AIM2: variants seen among roughly 807,000 people sequenced by gnomAD.
AIM2 encodes the protein interferon-inducible protein AIM2.
A neutral mutation model predicts 27.7 loss-of-function variants in AIM2; 30 were observed. That is an observed-to-expected ratio of 1.08 (90% CI 0.81 to 1.47). The LOEUF is 1.47. AIM2 is among the 40% of genes most tolerant of loss of function. AIM2 has a pLI of 0.00. For synonymous variants in AIM2, 141 were observed against 145.3 expected (o/e 0.97, Z 0.21); for missense variants, 358 against 411.3 (o/e 0.87, Z 1.12).
At chr1:159,083,706 A>G (rs998924674) in intron 1 of AIM2, among the ~76,000 whole-genome samples, 2 of 152,226 alleles carry the variant, frequency 1.3e-5, no homozygotes, top group African/African-American at 4.8e-5. Context: ...TACACCATTA[A>G]TCCAAATATG....
intron 1 of AIM2, among the ~76,000 whole-genome samples, chr1:159,075,175 C>T (rs1468757803): frequency 1.3e-5 from 2 of 152,054 alleles, no homozygotes; most frequent in African/African-American, 2.4e-5. Flanking sequence ...ATCAAAGTGG[C>T]ATTAAAAATC....
At chr1:159,116,740 G>A (rs868299192) in intron 1 of AIM2, among the ~76,000 whole-genome samples, 2 of 151,758 alleles carry the variant, frequency 1.3e-5, no homozygotes, top group Non-Finnish European at 2.9e-5. Flanking sequence ...GTTAAATGAC[G>A]AGTTACTGGG....
chr1:159,121,695 T>G (rs1316788214), intron 1 of AIM2, among the ~76,000 whole-genome samples: 1 of 152,172 alleles, frequency 6.6e-6, no homozygotes, highest in Non-Finnish European at 1.5e-5. Flanking sequence ...CTGACAAAGC[T>G]GACATTTCAA....
At chr1:159,103,803 G>A (rs1188542142) in intron 1 of AIM2, among the ~76,000 whole-genome samples, 1 of 152,080 alleles carries the variant, frequency 6.6e-6, no homozygotes, top group Non-Finnish European at 1.5e-5. Context: ...TGAAATTCTA[G>A]GGGGAGTTTT....
intron 1 of AIM2, among the ~76,000 whole-genome samples, chr1:159,117,351 G>T (rs1305753941): frequency 6.6e-6 from 1 of 152,178 alleles, no homozygotes; most frequent in Admixed American, 6.5e-5. Flanking sequence ...TGGAGAAAAG[G>T]TATAGTTAAC....
chr1:159,065,794 T>A, intron 4 of AIM2, 116 bp downstream of exon 4: 3 of 1,145,586 alleles, frequency 2.6e-6, no homozygotes, highest in Non-Finnish European at 2.4e-6. Context: ...GAACTTTGTA[T>A]TTTTTTATTT....
chr1:159,087,115 T>C (rs1465484897), intron 1 of AIM2, among the ~76,000 whole-genome samples: 1 of 152,214 alleles, frequency 6.6e-6, no homozygotes, highest in African/African-American at 2.4e-5. Context: ...TTGATTGTCT[T>C]AGGACTCTAA....
chr1:159,073,217 G>A, intron 2 of AIM2, 21 bp downstream of exon 2: 1 of 1,613,192 alleles, frequency 6.2e-7, no homozygotes, highest in Non-Finnish European at 8.5e-7. Context: ...GGACGGGGCA[G>A]GTGTGGAACT....
At chr1:159,125,436 T>C (rs917523960) in intron 1 of AIM2, among the ~76,000 whole-genome samples, 3 of 152,236 alleles carry the variant, frequency 2.0e-5, no homozygotes, top group Non-Finnish European at 2.9e-5. Flanking sequence ...TAAACATTTA[T>C]TGAGCCTACG....
chr1:159,083,109 G>A (rs554324674), intron 1 of AIM2, among the ~76,000 whole-genome samples: 1 of 152,226 alleles, frequency 6.6e-6, no homozygotes, highest in East Asian at 1.9e-4. Flanking sequence ...AAATAAAGAT[G>A]CATAAAGAAG....
chr1:159,058,141 G>A (rs899175021), downstream of AIM2, among the ~76,000 whole-genome samples: 3 of 152,172 alleles, frequency 2.0e-5, no homozygotes. Flanking sequence ...ATCACTTGAG[G>A]TCAGGAGTTC....
intron 1 of AIM2, among the ~76,000 whole-genome samples, chr1:159,099,669 C>T (rs909531107): frequency 2.0e-5 from 3 of 152,310 alleles, no homozygotes; most frequent in Non-Finnish European, 2.9e-5. Flanking sequence ...AATTCCCCAG[C>T]TGGAATTGAT....
chr1:159,129,394 A>T (rs896696974), intron 1 of AIM2, among the ~76,000 whole-genome samples: 5 of 152,244 alleles, frequency 3.3e-5, no homozygotes, highest in Non-Finnish European at 7.3e-5. Context: ...TGACAACTGC[A>T]TTTGTACCTG....
At chr1:159,102,255 C>G (rs376677433) in intron 1 of AIM2, among the ~76,000 whole-genome samples, 1 of 152,188 alleles carries the variant, frequency 6.6e-6, no homozygotes, top group African/African-American at 2.4e-5. Context: ...CCTGCAGGTA[C>G]GCAGAAGACA....
chr1:159,065,985 A>C lies in AIM2; in HGVS notation c.741T>G (p.Gly247=). ...GAAGCGTGTTGATCTTCGGGGTTTC[A>C]CCAGCTTTTCTGATAATGTTCAGCG... ...NVPLNIIRKA[G]ETPKINTLQT... is the part of the protein sequence containing the mutation. Residue 247 remains glycine, a synonymous_variant, in exon 4 of 6, where the codon GGT becomes GGG. Coordinates refer to ENST00000368130, the MANE Select transcript of AIM2 (RefSeq NM_004833.3). 6.2e-7 allele frequency: 1 copy of C among 1,612,532 alleles called. No individual in the cohort carries two copies.
At chr1:159,130,800 CCACACA>C (rs10557540) in intron 1 of AIM2, among the ~76,000 whole-genome samples, 4,070 of 145,056 alleles carry the variant, frequency 0.028, 83 homozygotes, top group African/African-American at 0.048. Context: ...AGCCTGGTCA[CCACACA>C]CACACACACA....
At chr1:159,136,229 C>T (rs1473436931) in intron 1 of AIM2, among the ~76,000 whole-genome samples, 1 of 152,194 alleles carries the variant, frequency 6.6e-6, no homozygotes, top group African/African-American at 2.4e-5. Flanking sequence ...GATAAAATCT[C>T]TCAAGTCCTC....
rs529179542 is a variant in AIM2 at position 159,065,849 on chromosome 1, A to G, written c.816+61T>C. The G allele has an allele frequency of 7.3e-4, 1,082 of 1,490,334 alleles. 7 individuals carry two copies. Among genetic ancestry groups the G allele is most frequent in the South Asian group, 4.1e-3 (300 of 72,484 alleles). 92.3% of individuals were successfully genotyped at this position (1,490,334 alleles called of 1,614,324 possible). The stretch of plus-strand genomic sequence containing the variant: ...TAAAACCATTTCCAAAGTTTCTTTA[A>G]GATCAGATGGGAAATACGTTATTCT... On this transcript the variant is annotated intron_variant, in intron 4 of 5. Coordinates refer to ENST00000368130, the MANE Select transcript of AIM2 (RefSeq NM_004833.3).
chr1:159,119,548 A>C (rs1352475411), intron 1 of AIM2, among the ~76,000 whole-genome samples: 1 of 151,998 alleles, frequency 6.6e-6, no homozygotes, highest in African/African-American at 2.4e-5. Flanking sequence ...GTTCTCTAGA[A>C]ACTCCTGATA....
Sources: allele counts gnomAD v4.1 joint callset (sites outside exome capture counted in the v4.1 genomes callset), GRCh38; gene constraint gnomAD v4.1.1; transcripts MANE v1.5; gene names NCBI Gene and HGNC (gene_info 2026-07-23, HGNC 2026-07-21).